AGAP1: variants seen among roughly 807,000 people sequenced by gnomAD.
The protein encoded by AGAP1 is arf-GAP with GTPase, ANK repeat and PH domain-containing protein 1.
In AGAP1, 29 loss-of-function variants were observed where a neutral mutation model predicts 105.3. The ratio of observed to expected loss-of-function variants is 0.28; its 90% CI spans 0.21 to 0.38. The LOEUF is 0.38. AGAP1 is among the 10% of genes least tolerant of loss of function. The pLI is 1.00. For missense variants in AGAP1, 998 were observed against 1,165.1 expected (o/e 0.86, Z 2.09); for synonymous variants, 509 against 485.9 (o/e 1.05, Z -0.63).
chr2:235,519,200 G>T (rs1475358171), intron 1 of AGAP1, among the ~76,000 whole-genome samples: 1 of 151,998 alleles, frequency 6.6e-6, no homozygotes, highest in Non-Finnish European at 1.5e-5. Context: ...AGCCTCCCAG[G>T]TAGCTAGGAC....
At chr2:235,509,750 G>A (rs1169203373) in intron 1 of AGAP1, among the ~76,000 whole-genome samples, 1 of 152,072 alleles carries the variant, frequency 6.6e-6, no homozygotes, top group Non-Finnish European at 1.5e-5. Context: ...GAATAAAATA[G>A]AAATAAGATC....
At chr2:235,558,920 G>A (rs1037313963) in intron 1 of AGAP1, among the ~76,000 whole-genome samples, 2 of 152,038 alleles carry the variant, frequency 1.3e-5, no homozygotes, top group African/African-American at 4.8e-5. Flanking sequence ...TTCATTACAC[G>A]TCATTGAAGA....
In AGAP1 at chr2:235,788,218, G is replaced by A. The variant is rs958117618; in HGVS notation, c.674-9541G>A. 3.3e-5 allele frequency among the ~76,000 whole-genome samples: 5 copies of A among 151,772 alleles called. No homozygotes were observed. Among genetic ancestry groups the A allele is most frequent in the African/African-American group, 1.2e-4 (5 of 41,034 alleles). ...ATACTGGGACCCTACGGTACAGCCA[G>A]CCGGAGACACAGGGTTCCAGACACA... On this transcript the variant is annotated intron_variant, in intron 6 of 17. Coordinates refer to ENST00000304032, the MANE Select transcript of AGAP1 (RefSeq NM_001037131.3). This position sits in a 1 kb window ranked among gnomAD's most constrained non-coding sequence, Gnocchi z 6.0.
At chr2:235,944,345 C>CA (rs1181018508) in intron 12 of AGAP1, among the ~76,000 whole-genome samples, 1 of 152,346 alleles carries the variant, frequency 6.6e-6, no homozygotes, top group East Asian at 1.9e-4. Context: ...ATCAAGTTAA[C>CA]AACCTTACCA....
chr2:236,053,357 T>C lies in AGAP1; in HGVS notation c.2114+4076T>C, dbSNP rs1210691120. On this transcript the variant is annotated intron_variant, in intron 16 of 17. Coordinates refer to ENST00000304032, the MANE Select transcript of AGAP1 (RefSeq NM_001037131.3). The surrounding 1 kb of genome is among the most constrained non-coding windows in gnomAD (Gnocchi z 4.6). The stretch of plus-strand genomic sequence containing the variant: ...TACTTCGGGGCCTTGGAATTCCTCA[T>C]GTGAGTGAAACCGGGGCTTTGACGT... 1.3e-5 allele frequency among the ~76,000 whole-genome samples: 2 copies of C among 152,232 alleles called. No individual in the cohort carries two copies. Among genetic ancestry groups the C allele is most frequent in the Non-Finnish European group, 2.9e-5 (2 of 68,042 alleles).
intron 1 of AGAP1, among the ~76,000 whole-genome samples, chr2:235,501,111 A>G (rs540581024): frequency 1.6e-4 from 25 of 152,012 alleles, no homozygotes; most frequent in African/African-American, 6.0e-4. Context: ...TTAGCTCAGA[A>G]CCCCGAACAT....
At chr2:235,914,711 A>G (rs2051788125) in intron 11 of AGAP1, among the ~76,000 whole-genome samples, 3 of 152,078 alleles carry the variant, frequency 2.0e-5, no homozygotes, top group Admixed American at 6.5e-5. Context: ...TCTGGGGCTC[A>G]TGCATTGAGG....
chr2:235,637,179 T>C (rs915330555), intron 1 of AGAP1, among the ~76,000 whole-genome samples: 1 of 152,204 alleles, frequency 6.6e-6, no homozygotes, highest in Admixed American at 6.5e-5. Context: ...CAGGTGCCAC[T>C]GGTCTCAGTT....
intron 9 of AGAP1, among the ~76,000 whole-genome samples, chr2:235,841,389 G>A (rs1330203932): frequency 6.6e-6 from 1 of 152,138 alleles, no homozygotes; most frequent in Non-Finnish European, 1.5e-5. Flanking sequence ...CGCACTGTAG[G>A]AGGCCAAGGC....
Position 235,769,786 on chromosome 2 carries a change from G to A in AGAP1, c.673+19298G>A, listed in dbSNP as rs1221374479. ...GGATCATGGGGGAGGCACAGGCGAC[G>A]CTCCGAGGCAGCCTGGCTTGTGTTA... On this transcript the variant is annotated intron_variant, in intron 6 of 17. Coordinates refer to ENST00000304032, the MANE Select transcript of AGAP1 (RefSeq NM_001037131.3). The surrounding 1 kb of genome is among the most constrained non-coding windows in gnomAD (Gnocchi z 4.4). Among the ~76,000 whole-genome samples, 2 of 152,154 alleles carry A rather than the reference G, an allele frequency of 1.3e-5. No individual in the cohort carries two copies. The highest frequency in any genetic ancestry group is 1.3e-4 in the Admixed American group (2 of 15,282).
chr2:236,062,778 C>T lies in AGAP1; in HGVS notation c.2114+13497C>T, dbSNP rs889301876. 6.6e-6 allele frequency among the ~76,000 whole-genome samples: 1 copy of T among 152,200 alleles called. No homozygotes were observed. The highest frequency in any genetic ancestry group is 2.4e-5 in the African/African-American group (1 of 41,434). On this transcript the variant is annotated intron_variant, in intron 16 of 17. Coordinates refer to ENST00000304032, the MANE Select transcript of AGAP1 (RefSeq NM_001037131.3). The surrounding 1 kb of genome is among the most constrained non-coding windows in gnomAD (Gnocchi z 4.2). ...CTGGGTTCAAGCAAATTCTCTGCCT[C>T]AGCCTCCCAAGTAGCTGGGATTACA...
At chr2:235,886,556 C>G (rs1364506665) in intron 10 of AGAP1, among the ~76,000 whole-genome samples, 2 of 152,182 alleles carry the variant, frequency 1.3e-5, no homozygotes, top group Non-Finnish European at 2.9e-5. Context: ...TCCATCCTTT[C>G]TCCTTCATTC....
rs2057641868 is a variant in AGAP1 at position 236,044,060 on chromosome 2, T to G, written c.1891+3219T>G. Among the ~76,000 whole-genome samples the G allele has an allele frequency of 2.0e-5, 3 of 152,020 alleles. No individual in the cohort carries two copies. The highest frequency in any genetic ancestry group is 2.9e-5 in the Non-Finnish European group (2 of 67,994). On this transcript the variant is annotated intron_variant, in intron 15 of 17. Transcript: ENST00000304032. This position sits in a 1 kb window ranked among gnomAD's most constrained non-coding sequence, Gnocchi z 5.7. ...ACATCCCAGAGCACTGTTTCCAGAG[T>G]GGACGCTGAGCCTCTGGAGCTTTGG...
At chr2:235,603,738 C>T (rs967202694) in intron 1 of AGAP1, among the ~76,000 whole-genome samples, 3 of 152,194 alleles carry the variant, frequency 2.0e-5, no homozygotes, top group Admixed American at 6.5e-5. Context: ...CAGTGAGTGT[C>T]TCTCCATGTG....
At chr2:235,668,165 G>A (rs1016889736) in intron 1 of AGAP1, among the ~76,000 whole-genome samples, 1 of 152,024 alleles carries the variant, frequency 6.6e-6, no homozygotes, top group Non-Finnish European at 1.5e-5. Context: ...GGGTGCTCAG[G>A]TGTATTTTAA....
chr2:235,859,076 A>G (rs749453247), intron 9 of AGAP1, among the ~76,000 whole-genome samples: 3 of 152,218 alleles, frequency 2.0e-5, no homozygotes, highest in African/African-American at 7.2e-5. Flanking sequence ...GGTGCCGGGC[A>G]CTAATGTTGT....
Position 235,936,110 on chromosome 2 carries a change from C to T in AGAP1, c.1483+5187C>T, listed in dbSNP as rs149803507. Among the ~76,000 whole-genome samples the T allele has an allele frequency of 1.3e-5, 2 of 152,348 alleles. No individual in the cohort carries two copies. The highest frequency in any genetic ancestry group is 2.1e-4 in the South Asian group (1 of 4,832). On this transcript the variant is annotated intron_variant, in intron 12 of 17. Coordinates refer to ENST00000304032, the MANE Select transcript of AGAP1 (RefSeq NM_001037131.3). The surrounding 1 kb of genome is among the most constrained non-coding windows in gnomAD (Gnocchi z 4.7). ...GATAGCTCCACCCCATCCCCGATTG[C>T]TTCAGTCCAACAGTTTATCTTCTGC...
At chr2:235,834,620 T>G (rs1287616117) in intron 9 of AGAP1, among the ~76,000 whole-genome samples, 1 of 152,206 alleles carries the variant, frequency 6.6e-6, no homozygotes, top group African/African-American at 2.4e-5. Flanking sequence ...TACCATCCAC[T>G]GGAGTTCACA....
Position 235,981,216 on chromosome 2 carries a change from G to C in AGAP1, c.1645+12593G>C, listed in dbSNP as rs115108861. Among the ~76,000 whole-genome samples, 448 of 152,282 alleles carry C rather than the reference G, an allele frequency of 2.9e-3. 1 individual carries two copies. The highest frequency in any genetic ancestry group is 4.9e-3 in the Non-Finnish European group (331 of 68,020). On this transcript the variant is annotated intron_variant, in intron 13 of 17. Transcript: ENST00000304032. The surrounding 1 kb of genome is among the most constrained non-coding windows in gnomAD (Gnocchi z 5.5). ...TAAGCTTATATGAGGGACGAGAGCC[G>C]TAGCATTGCTCCAGCAGGTATTTCA...
Sources: gnomAD v4.1 joint callset for allele counts (sites outside exome capture counted in the v4.1 genomes callset) on GRCh38, gnomAD v4.1.1 for gene constraint, Gnocchi (gnomAD v3.1) non-coding constraint, MANE v1.5 for transcripts, NCBI Gene and HGNC (gene_info 2026-07-23, HGNC 2026-07-21) for gene names.